Variants in NPAS3 observed in about 807,000 individuals in gnomAD.
The protein encoded by NPAS3 is neuronal PAS domain-containing protein 3.
In NPAS3, 14 loss-of-function variants were observed where a neutral mutation model predicts 73.1. The observed-to-expected ratio is 0.19, with a 90% CI of 0.13 to 0.30. The LOEUF is 0.30. NPAS3 is among the 10% of genes least tolerant of loss of function. The pLI, the probability that NPAS3 is intolerant of heterozygous loss-of-function variation, is 1.00. For synonymous variants in NPAS3, 620 were observed against 541.5 expected (o/e 1.14, Z -2.01); for missense variants, 1,096 against 1,250.0 (o/e 0.88, Z 1.86).
At chr14:33,391,256 C>G (rs571516125) in intron 4 of NPAS3, among the ~76,000 whole-genome samples, 1 of 142,422 alleles carries the variant, frequency 7.0e-6, no homozygotes, top group Admixed American at 7.3e-5. Context: ...TGCAATGGCG[C>G]GATCTCGGCT....
intron 4 of NPAS3, among the ~76,000 whole-genome samples, chr14:33,468,530 A>G (rs551944652): frequency 1.9e-3 from 289 of 152,256 alleles, no homozygotes; most frequent in African/African-American, 6.6e-3. Context: ...ATGCTTCTCT[A>G]TAAGAATCAA....
chr14:33,715,140 T>C (rs950331570), intron 6 of NPAS3, among the ~76,000 whole-genome samples: 8 of 152,246 alleles, frequency 5.3e-5, no homozygotes, highest in Admixed American at 2.0e-4. Flanking sequence ...TGACTTTGAC[T>C]ATAATAGGGA....
rs527836488 is a variant in NPAS3 at position 33,313,640 on chromosome 14, C to T, written c.386-53546C>T. On this transcript the variant is annotated intron_variant, in intron 3 of 11. Transcript: ENST00000356141. ...TAGCTGTGACAGCAATAGGTATTTG[C>T]GGCTAAGAGGCCAATTGAAATTATT... Among the ~76,000 whole-genome samples, 17 of 152,080 alleles carry T rather than the reference C, an allele frequency of 1.1e-4. No individual in the cohort carries two copies. In the East Asian group the frequency reaches 3.1e-3, roughly 28 times the overall value.
At chr14:33,109,373 T>C (rs2042818196) in intron 2 of NPAS3, among the ~76,000 whole-genome samples, 1 of 152,128 alleles carries the variant, frequency 6.6e-6, no homozygotes, top group Non-Finnish European at 1.5e-5. Context: ...TTGGCAAAAA[T>C]TTATGTTATG....
chr14:33,426,414 T>G (rs1323371524), intron 4 of NPAS3, among the ~76,000 whole-genome samples: 3 of 151,974 alleles, frequency 2.0e-5, no homozygotes, highest in African/African-American at 7.2e-5. Flanking sequence ...CCTGGAAACC[T>G]CTGAATGTAG....
At chr14:33,633,962 A>AGT (rs1246560104) in intron 5 of NPAS3, among the ~76,000 whole-genome samples, 2 of 152,176 alleles carry the variant, frequency 1.3e-5, no homozygotes, top group African/African-American at 2.4e-5. Flanking sequence ...TGAGCAACAG[A>AGT]GTGAGACCAT....
intron 2 of NPAS3, among the ~76,000 whole-genome samples, chr14:33,115,378 G>C (rs1858322538): frequency 6.6e-6 from 1 of 152,146 alleles, no homozygotes; most frequent in African/African-American, 2.4e-5. Flanking sequence ...GAGAAAGAGA[G>C]GTCATGTACC....
chr14:33,161,175 A>T (rs1274469857), intron 2 of NPAS3, among the ~76,000 whole-genome samples: 1 of 152,200 alleles, frequency 6.6e-6, no homozygotes, highest in East Asian at 1.9e-4. Context: ...AAAGGCATCT[A>T]CCCAGATTAA....
At chr14:33,438,499 G>C (rs969332346) in intron 4 of NPAS3, among the ~76,000 whole-genome samples, 4 of 152,226 alleles carry the variant, frequency 2.6e-5, no homozygotes, top group African/African-American at 7.2e-5. Flanking sequence ...GAATTGCAAG[G>C]CTGAATCAGA....
chr14:32,963,007 A>G (rs1041210618), intron 1 of NPAS3, among the ~76,000 whole-genome samples: 1 of 151,062 alleles, frequency 6.6e-6, no homozygotes, highest in African/African-American at 2.4e-5. Context: ...TTTCCTTCTA[A>G]TTCAAGATCC....
chr14:33,465,657 A>T (rs1449360323), intron 4 of NPAS3, among the ~76,000 whole-genome samples: 1 of 152,202 alleles, frequency 6.6e-6, no homozygotes, highest in Admixed American at 6.5e-5. Flanking sequence ...TAGTTTACAA[A>T]TGGTGGTGCT....
At chr14:33,162,852 G>A (rs183094501) in intron 2 of NPAS3, among the ~76,000 whole-genome samples, 96 of 152,316 alleles carry the variant, frequency 6.3e-4, no homozygotes, top group African/African-American at 1.9e-3. Flanking sequence ...ATCATCGGAT[G>A]TTGGTTCTGT....
At chr14:33,670,154 C>T (rs1595400754) in intron 5 of NPAS3, among the ~76,000 whole-genome samples, 1 of 152,022 alleles carries the variant, frequency 6.6e-6, no homozygotes. Flanking sequence ...CCATGGGAGC[C>T]AAAATGTTTA....
chr14:33,097,014 T>C (rs1386003984), intron 2 of NPAS3, among the ~76,000 whole-genome samples: 1 of 152,218 alleles, frequency 6.6e-6, no homozygotes, highest in African/African-American at 2.4e-5. Context: ...AATCAAGGAA[T>C]AAAACAGCAC....
intron 4 of NPAS3, among the ~76,000 whole-genome samples, chr14:33,541,423 G>C (rs534886994): frequency 6.6e-6 from 1 of 152,300 alleles, no homozygotes; most frequent in East Asian, 1.9e-4. Flanking sequence ...ATATTGGCAA[G>C]AGCAGTTGAT....
chr14:33,709,456 C>T (rs2060755715), intron 6 of NPAS3, among the ~76,000 whole-genome samples: 1 of 152,132 alleles, frequency 6.6e-6, no homozygotes, highest in Non-Finnish European at 1.5e-5. Context: ...CAGAGCCTAC[C>T]CTCTGAATAA....
At chr14:33,661,785 A>C (rs1283781255) in intron 5 of NPAS3, among the ~76,000 whole-genome samples, 1 of 152,110 alleles carries the variant, frequency 6.6e-6, no homozygotes, top group African/African-American at 2.4e-5. Context: ...CAGATTTTAA[A>C]CCATTCATTG....
intron 2 of NPAS3, among the ~76,000 whole-genome samples, chr14:33,102,225 C>T (rs1298503191): frequency 6.6e-6 from 1 of 152,026 alleles, no homozygotes; most frequent in African/African-American, 2.4e-5. Flanking sequence ...TGACAGTAGG[C>T]AAAAATTAGC....
At chr14:33,090,342 G>T (rs1024779989) in intron 2 of NPAS3, among the ~76,000 whole-genome samples, 1 of 152,122 alleles carries the variant, frequency 6.6e-6, no homozygotes, top group Non-Finnish European at 1.5e-5. Flanking sequence ...GGCAGGGGTT[G>T]CAATCCTAGT....
Sources: gnomAD v4.1 joint callset for allele counts (sites outside exome capture counted in the v4.1 genomes callset) on GRCh38, gnomAD v4.1.1 for gene constraint, MANE v1.5 for transcripts, NCBI Gene and HGNC (gene_info 2026-07-23, HGNC 2026-07-21) for gene names.